ABCD2: variants seen among roughly 807,000 people sequenced by gnomAD.
ABCD2 encodes the protein ATP-binding cassette sub-family D member 2.
In ABCD2, 36 loss-of-function variants were observed where a neutral mutation model predicts 70.9. That is an observed-to-expected ratio of 0.51 (90% CI 0.39 to 0.67). ABCD2 has a LOEUF of 0.67. Ranked by LOEUF, ABCD2 falls within the 30% of genes least tolerant of loss-of-function variation. The pLI, the probability that ABCD2 is intolerant of heterozygous loss-of-function variation, is 0.00. For missense variants in ABCD2, 729 were observed against 890.2 expected (o/e 0.82, Z 2.30); for synonymous variants, 304 against 306.9 (o/e 0.99, Z 0.10).
chr12:39,547,636 C>T (rs1796379996), downstream of ABCD2, among the ~76,000 whole-genome samples: 1 of 151,938 alleles, frequency 6.6e-6, no homozygotes, highest in African/African-American at 2.4e-5. Flanking sequence ...ACAAAGTAGA[C>T]TGGTGGTTAG....
the ABCD2 span, among the ~76,000 whole-genome samples, chr12:39,544,612 G>A: frequency 1.3e-5 from 2 of 152,126 alleles, no homozygotes; most frequent in African/African-American, 2.4e-5. Context: ...CACTGTCTCC[G>A]TCATAATTTT....
intron 7 of ABCD2, among the ~76,000 whole-genome samples, chr12:39,580,125 T>C (rs1941576532): frequency 6.6e-6 from 1 of 152,148 alleles, no homozygotes; most frequent in African/African-American, 2.4e-5. Flanking sequence ...GTTCATGGAG[T>C]AATCGACATG....
At chr12:39,532,014 G>A in the ABCD2 span, among the ~76,000 whole-genome samples, 1 of 152,162 alleles carries the variant, frequency 6.6e-6, no homozygotes, top group Admixed American at 6.5e-5. Flanking sequence ...TAGATGGATG[G>A]GACTGGAAAC....
At chr12:39,603,057 C>T (rs1941922420) in intron 5 of ABCD2, among the ~76,000 whole-genome samples, 1 of 152,134 alleles carries the variant, frequency 6.6e-6, no homozygotes, top group Admixed American at 6.6e-5. Context: ...AATTTACTGA[C>T]ACAGGATTTT....
rs1174615337 is a variant in ABCD2 at position 39,619,074 on chromosome 12, T to G, written c.542A>C (p.Asp181Ala). The stretch of plus-strand genomic sequence containing the variant: ...TGTAAAATAGGTTTCATAGGCGTGG[T>G]CTACTAGGCGAGTTCTGAAGGCCAA... ...LALAFRTRLV[D>A]HAYETYFTNQ... The change falls in exon 1 of 10, where the codon GAC becomes GCC. Residue 181 changes from aspartate (D) to alanine (A), a missense_variant. Physicochemically the swap from Asp to Ala is moderately radical, Grantham distance 126. Transcript: ENST00000308666. The G allele has an allele frequency of 1.2e-6, 2 of 1,614,204 alleles. No homozygotes were observed. Among genetic ancestry groups the G allele is most frequent in the Non-Finnish European group, 1.7e-6 (2 of 1,180,034 alleles).
intron 8 of ABCD2, among the ~76,000 whole-genome samples, chr12:39,578,555 A>T (rs1941552864): frequency 6.6e-6 from 1 of 151,408 alleles, no homozygotes; most frequent in Non-Finnish European, 1.5e-5. Context: ...ATTGCCAGAG[A>T]TCCAAGGGAG....
At chr12:39,582,569 C>T (rs559011894) in intron 7 of ABCD2, among the ~76,000 whole-genome samples, 25 of 152,116 alleles carry the variant, frequency 1.6e-4, no homozygotes, top group African/African-American at 4.8e-4. Context: ...AGATTTCAAA[C>T]GTCCTCAAAA....
chr12:39,576,707 A>C (rs1443860357), intron 8 of ABCD2, among the ~76,000 whole-genome samples: 2 of 152,242 alleles, frequency 1.3e-5, no homozygotes, highest in African/African-American at 4.8e-5. Flanking sequence ...TTATACAACA[A>C]GCAAAACCAA....
chr12:39,566,759 T>C (rs1482612605), intron 9 of ABCD2, among the ~76,000 whole-genome samples: 2 of 152,232 alleles, frequency 1.3e-5, no homozygotes, highest in Non-Finnish European at 2.9e-5. Flanking sequence ...CTTTCTGTTG[T>C]GGGCATTTAG....
chr12:39,604,414 C>A (rs555888781), intron 4 of ABCD2, among the ~76,000 whole-genome samples: 34 of 152,008 alleles, frequency 2.2e-4, no homozygotes, highest in African/African-American at 7.5e-4. Context: ...AAATATGTAA[C>A]CAAATTTAAG....
intron 9 of ABCD2, among the ~76,000 whole-genome samples, chr12:39,568,276 A>T (rs1198953214): frequency 6.6e-6 from 1 of 152,150 alleles, no homozygotes; most frequent in Non-Finnish European, 1.5e-5. Context: ...TCAGATGTAG[A>T]TTTGGTCTTT....
chr12:39,580,948 T>C (rs1239317436), intron 7 of ABCD2, among the ~76,000 whole-genome samples: 4 of 152,224 alleles, frequency 2.6e-5, no homozygotes, highest in African/African-American at 9.6e-5. Flanking sequence ...TATTTGATTC[T>C]TTTGCTGGTG....
At chr12:39,554,555 C>T (rs530263625) in intron 9 of ABCD2, among the ~76,000 whole-genome samples, 1 of 152,052 alleles carries the variant, frequency 6.6e-6, no homozygotes, top group Non-Finnish European at 1.5e-5. Flanking sequence ...ATTAATACAC[C>T]ATCCTTTGGG....
At chr12:39,601,735 C>G (rs1407699329) in intron 5 of ABCD2, among the ~76,000 whole-genome samples, 2 of 152,016 alleles carry the variant, frequency 1.3e-5, no homozygotes, top group Non-Finnish European at 2.9e-5. Flanking sequence ...ATGTGGAATA[C>G]ATCATACTGG....
intron 6 of ABCD2, among the ~76,000 whole-genome samples, chr12:39,598,013 C>G (rs1566574149): frequency 6.6e-6 from 1 of 152,112 alleles, no homozygotes; most frequent in Non-Finnish European, 1.5e-5. Flanking sequence ...AGCTTATGAA[C>G]TGAGCTATAG....
chr12:39,531,752 A>T, the ABCD2 span, among the ~76,000 whole-genome samples: 137 of 152,330 alleles, frequency 9.0e-4, no homozygotes, highest in African/African-American at 3.2e-3. Flanking sequence ...GCTGTCCCAG[A>T]TTTTGCAAGA....
intron 9 of ABCD2, among the ~76,000 whole-genome samples, chr12:39,554,933 C>T (rs980286896): frequency 1.3e-5 from 2 of 151,928 alleles, no homozygotes; most frequent in Non-Finnish European, 2.9e-5. Flanking sequence ...TTTCTGCCTT[C>T]CCTTATAGTT....
chr12:39,599,503 A>G (rs900616105), intron 6 of ABCD2, among the ~76,000 whole-genome samples: 1 of 152,208 alleles, frequency 6.6e-6, no homozygotes, highest in Admixed American at 6.5e-5. Flanking sequence ...AATGTTATCT[A>G]TTTTGTGTTA....
chr12:39,534,348 C>G, the ABCD2 span, among the ~76,000 whole-genome samples: 1 of 152,212 alleles, frequency 6.6e-6, no homozygotes, highest in Non-Finnish European at 1.5e-5. Context: ...ACTTTGGAAT[C>G]AAATCCCAGC....
Sources: allele counts gnomAD v4.1 joint callset (sites outside exome capture counted in the v4.1 genomes callset), GRCh38; gene constraint gnomAD v4.1.1; transcripts MANE v1.5; gene names NCBI Gene and HGNC (gene_info 2026-07-23, HGNC 2026-07-21).